The following CHRM3 variants were observed in gnomAD, a reference collection of about 807,000 sequenced individuals.
CHRM3 encodes cholinergic receptor muscarinic 3.
A neutral mutation model predicts 41.8 loss-of-function variants in CHRM3; 11 were observed. The observed-to-expected ratio is 0.26, with a 90% CI of 0.17 to 0.44. CHRM3 has a LOEUF of 0.44. Among genes scored for constraint, CHRM3 ranks in the 20% least tolerant of loss-of-function variants. The probability of loss-of-function intolerance (pLI) is 1.00; values close to 1 mark genes in which losing one functional copy is unlikely to be tolerated. For missense variants in CHRM3, 571 were observed against 745.4 expected, an observed-to-expected ratio of 0.77 and a Z score of 2.72; for synonymous variants, 297 against 301.4, an observed-to-expected ratio of 0.99 and a Z score of 0.15.
chr1:239,593,823 A>G (rs1269524424), intron 3 of CHRM3, among the ~76,000 whole-genome samples: 1 of 152,196 alleles, frequency 6.6e-6, no homozygotes, highest in Non-Finnish European at 1.5e-5. Context: ...CTCAAAATCA[A>G]TTGCCATTAA....
intron 2 of CHRM3, among the ~76,000 whole-genome samples, chr1:239,508,850 C>G (rs1668743933): frequency 1.3e-5 from 2 of 152,096 alleles, no homozygotes; most frequent in Non-Finnish European, 2.9e-5. Flanking sequence ...TTTACGTATT[C>G]TTTAAGCTTA....
chr1:239,824,140 G>A (rs916533147), intron 5 of CHRM3, among the ~76,000 whole-genome samples: 6 of 152,020 alleles, frequency 3.9e-5, no homozygotes, highest in South Asian at 2.1e-4. Context: ...TTGTGCCATC[G>A]TATCACACAT....
chr1:239,776,861 G>A (rs200217117), intron 5 of CHRM3, among the ~76,000 whole-genome samples: 1 of 152,064 alleles, frequency 6.6e-6, no homozygotes, highest in East Asian at 1.9e-4. Context: ...AGCAAAGTAG[G>A]GGAAAAGCCC....
intron 5 of CHRM3, among the ~76,000 whole-genome samples, chr1:239,750,664 A>G (rs1014317476): frequency 1.3e-5 from 2 of 152,140 alleles, no homozygotes; most frequent in African/African-American, 4.8e-5. Context: ...CAACTGTTCA[A>G]TCTTGTTCAA....
At chr1:239,876,636 G>A (rs763453170) in intron 6 of CHRM3, among the ~76,000 whole-genome samples, 2 of 152,146 alleles carry the variant, frequency 1.3e-5, no homozygotes, top group Admixed American at 6.5e-5. Flanking sequence ...ACTGACTGCC[G>A]TTCAGTCCCA....
chr1:239,455,209 G>A (rs1337987778), intron 1 of CHRM3, among the ~76,000 whole-genome samples: 5 of 151,872 alleles, frequency 3.3e-5, no homozygotes, highest in Admixed American at 2.0e-4. Flanking sequence ...ACGCTACCAC[G>A]CCTGGTTAAT....
intron 6 of CHRM3, among the ~76,000 whole-genome samples, chr1:239,831,077 T>G (rs1672860169): frequency 6.6e-6 from 1 of 152,144 alleles, no homozygotes; most frequent in Non-Finnish European, 1.5e-5. Context: ...TATTATTGAC[T>G]GCTCTGTCAC....
chr1:239,864,890 C>A (rs1202198157), intron 6 of CHRM3, among the ~76,000 whole-genome samples: 1 of 152,100 alleles, frequency 6.6e-6, no homozygotes, highest in Non-Finnish European at 1.5e-5. Context: ...AGAGAAGAAC[C>A]TGATGCTGTC....
chr1:239,743,908 A>G (rs1665107772), intron 5 of CHRM3, among the ~76,000 whole-genome samples: 1 of 143,752 alleles, frequency 7.0e-6, no homozygotes, highest in African/African-American at 2.6e-5. Context: ...CTCCCACTTC[A>G]GTCTTCCAAA....
intron 6 of CHRM3, among the ~76,000 whole-genome samples, chr1:239,905,613 T>A (rs918118650): frequency 2.0e-5 from 3 of 152,002 alleles, no homozygotes; most frequent in African/African-American, 7.2e-5. Context: ...GGCTGAAGCA[T>A]GAGAATCACT....
intron 5 of CHRM3, among the ~76,000 whole-genome samples, chr1:239,764,203 A>G (rs1667026662): frequency 6.6e-6 from 1 of 151,960 alleles, no homozygotes; most frequent in African/African-American, 2.4e-5. Context: ...TGCCACCTTC[A>G]TTAATGTGGT....
At chr1:239,794,685 A>G (rs1669625331) in intron 5 of CHRM3, among the ~76,000 whole-genome samples, 1 of 152,120 alleles carries the variant, frequency 6.6e-6, no homozygotes, top group Admixed American at 6.5e-5. Context: ...CCACGCTTTT[A>G]ATTACCATCT....
At chr1:239,711,187 C>T (rs1029850276) in intron 5 of CHRM3, among the ~76,000 whole-genome samples, 2 of 152,090 alleles carry the variant, frequency 1.3e-5, no homozygotes, top group Non-Finnish European at 2.9e-5. Context: ...TTCCACTACA[C>T]CGTAAGGTTT....
At chr1:239,713,370 G>T (rs1426146091) in intron 5 of CHRM3, among the ~76,000 whole-genome samples, 1 of 152,060 alleles carries the variant, frequency 6.6e-6, no homozygotes, top group African/African-American at 2.4e-5. Flanking sequence ...TTGATATCTT[G>T]TTCTTCCTTT....
chr1:239,409,919 T>C (rs1660936278), intron 1 of CHRM3, among the ~76,000 whole-genome samples: 1 of 152,130 alleles, frequency 6.6e-6, no homozygotes, highest in Non-Finnish European at 1.5e-5. Context: ...CCAGCCTGGG[T>C]GACAGAGCGA....
chr1:239,425,250 C>A (rs942634274), intron 1 of CHRM3, among the ~76,000 whole-genome samples: 1 of 152,178 alleles, frequency 6.6e-6, no homozygotes, highest in African/African-American at 2.4e-5. Context: ...TCATTGACAT[C>A]TCTTCCTTTA....
At chr1:239,462,708 G>T (rs985808251) in intron 1 of CHRM3, among the ~76,000 whole-genome samples, 13 of 152,216 alleles carry the variant, frequency 8.5e-5, no homozygotes, top group Non-Finnish European at 1.8e-4. Context: ...CATACAGCAT[G>T]TTTGAAGCTA....
intron 4 of CHRM3, among the ~76,000 whole-genome samples, chr1:239,634,029 C>T (rs915653294): frequency 3.9e-5 from 6 of 152,126 alleles, no homozygotes; most frequent in African/African-American, 1.4e-4. Context: ...AGGAAACAGG[C>T]TCTGAGATGT....
chr1:239,797,615 A>G (rs1669894234), intron 5 of CHRM3, among the ~76,000 whole-genome samples: 1 of 152,126 alleles, frequency 6.6e-6, no homozygotes, highest in Non-Finnish European at 1.5e-5. Flanking sequence ...CATCGGGTCT[A>G]TTTCCTTTTG....
Sources: gnomAD v4.1 joint callset for allele counts (sites outside exome capture counted in the v4.1 genomes callset) on GRCh38, gnomAD v4.1.1 for gene constraint, MANE v1.5 for transcripts, NCBI Gene and HGNC (gene_info 2026-07-23, HGNC 2026-07-21) for gene names.